Variants in RELN observed in about 807,000 individuals in gnomAD.
RELN encodes the protein reelin.
A neutral mutation model predicts 427.6 loss-of-function variants in RELN; 108 were observed. The observed-to-expected ratio is 0.25, with a 90% CI of 0.22 to 0.30. The LOEUF (loss-of-function observed/expected upper bound fraction) is 0.30, where lower values mean the gene tolerates loss of function less well. RELN is among the 10% of genes least tolerant of loss of function. RELN has a pLI of 1.00. For synonymous variants in RELN, 1,524 were observed against 1,513.4 expected, an observed-to-expected ratio of 1.01 and a Z score of -0.16; for missense variants, 3,715 against 4,302.8, an observed-to-expected ratio of 0.86 and a Z score of 3.82.
chr7:103,946,014 A>G (rs1796212801), intron 1 of RELN, among the ~76,000 whole-genome samples: 1 of 152,182 alleles, frequency 6.6e-6, no homozygotes, highest in Non-Finnish European at 1.5e-5. Flanking sequence ...CTCAGAATAC[A>G]TCCCCATTGT....
chr7:103,722,746 G>C (rs1233414933), intron 8 of RELN, among the ~76,000 whole-genome samples: 2 of 152,084 alleles, frequency 1.3e-5, no homozygotes, highest in Non-Finnish European at 2.9e-5. Context: ...GTTTCTTTCG[G>C]TTACCAGTAA....
At chr7:103,738,437 A>G (rs1382110379) in intron 6 of RELN, among the ~76,000 whole-genome samples, 3 of 151,932 alleles carry the variant, frequency 2.0e-5, no homozygotes, top group Non-Finnish European at 4.4e-5. Flanking sequence ...AAATTTACAC[A>G]CAATGAGATA....
rs1797162038 is a variant in RELN, at chr7:103,989,004, G to A, written c.226+127C>T. The A allele has an allele frequency of 1.2e-6, 1 of 807,980 alleles. No homozygotes were observed. The highest frequency in any genetic ancestry group is 2.1e-6 in the Non-Finnish European group (1 of 478,690). 50.1% of individuals were successfully genotyped at this position (807,980 alleles called of 1,614,324 possible). A position where few individuals can be genotyped will look rare whatever the true frequency, so the allele number is the denominator to read the frequency against. ...TTTATTCTCGCTCCCTGGACCAAGC[G>A]CATCGCTGGGGCCAGGGTTGTCATG... On this transcript the variant is annotated intron_variant, in intron 1 of 64. Coordinates refer to ENST00000428762, the MANE Select transcript of RELN (RefSeq NM_005045.4). This position sits in a 1 kb window ranked among gnomAD's most constrained non-coding sequence, Gnocchi z 4.9.
chr7:103,869,755 T>C (rs190759645), intron 2 of RELN, among the ~76,000 whole-genome samples: 1 of 152,298 alleles, frequency 6.6e-6, no homozygotes, highest in Admixed American at 6.5e-5. Flanking sequence ...TGCATAACAT[T>C]TGCTGAGCTT....
intron 49 of RELN, among the ~76,000 whole-genome samples, chr7:103,518,382 G>C (rs1243312211): frequency 7.2e-6 from 1 of 138,226 alleles, no homozygotes; most frequent in Middle Eastern, 3.9e-3. Context: ...ACCCAGGCTA[G>C]AGCATAGTGC....
At chr7:103,752,986 C>A (rs904567933) in intron 5 of RELN, among the ~76,000 whole-genome samples, 196 bp downstream of exon 5, 1 of 152,120 alleles carries the variant, frequency 6.6e-6, no homozygotes, top group Non-Finnish European at 1.5e-5. Context: ...ATGAGCCCCC[C>A]GCTGGGCAGC....
intron 2 of RELN, among the ~76,000 whole-genome samples, chr7:103,892,191 T>C (rs4729936): frequency 0.4 from 60,713 of 151,998 alleles, 13,017 homozygotes; most frequent in East Asian, 0.76. Context: ...CAGTTGGAAA[T>C]TGATGTCCAA....
At chr7:103,982,853 G>T (rs1049201656) in intron 1 of RELN, among the ~76,000 whole-genome samples, 10 of 152,032 alleles carry the variant, frequency 6.6e-5, no homozygotes, top group Non-Finnish European at 1.5e-4. Flanking sequence ...TTTAAACTGG[G>T]TCTCACTTCG....
chr7:103,745,486 G>T lies in RELN; in HGVS notation c.656+3940C>A, dbSNP rs1386146751. ...AGAGGAAGTCAAATTGTCCCTGTTT[G>T]CAGACGACATGATTGTATATCTATA... On this transcript the variant is annotated intron_variant, in intron 6 of 64. Transcript: ENST00000428762. Among the ~76,000 whole-genome samples, 186 of 145,634 alleles carry T rather than the reference G, an allele frequency of 1.3e-3. 1 individual carries two copies. The highest frequency in any genetic ancestry group is 4.7e-3 in the African/African-American group (172 of 36,548).
intron 1 of RELN, among the ~76,000 whole-genome samples, chr7:103,983,663 T>A (rs1255831005): frequency 6.6e-6 from 1 of 152,162 alleles, no homozygotes; most frequent in African/African-American, 2.4e-5. Flanking sequence ...ACCCCAATGT[T>A]TTTGAAATGA....
chr7:103,497,687 T>G, intron 55 of RELN, 133 bp downstream of exon 55: 1 of 762,364 alleles, frequency 1.3e-6, no homozygotes, highest in Non-Finnish European at 2.3e-6. Flanking sequence ...ACAAACAAAA[T>G]CTGTAGCTTT....
intron 2 of RELN, among the ~76,000 whole-genome samples, chr7:103,849,252 TATTG>T (rs2116457897): frequency 6.6e-6 from 1 of 152,342 alleles, no homozygotes; most frequent in South Asian, 2.1e-4. Context: ...AAGGAGTCAT[TATTG>T]ATTACTTTCC....
intron 8 of RELN, among the ~76,000 whole-genome samples, chr7:103,712,841 A>G (rs942283747): frequency 6.6e-6 from 1 of 151,924 alleles, no homozygotes; most frequent in Non-Finnish European, 1.5e-5. Context: ...GGATCAATCA[A>G]TTGGTGTTTA....
At chr7:103,585,114 T>C (rs1006245402) in intron 28 of RELN, among the ~76,000 whole-genome samples, 2 of 152,020 alleles carry the variant, frequency 1.3e-5, no homozygotes, top group African/African-American at 2.4e-5. Flanking sequence ...GATAGAAAGA[T>C]TGTAAATTAA....
At chr7:103,872,277 T>C (rs1358206983) in intron 2 of RELN, among the ~76,000 whole-genome samples, 2 of 127,778 alleles carry the variant, frequency 1.6e-5, no homozygotes, top group African/African-American at 2.8e-5. Context: ...TGTGATCTCA[T>C]TGTTCAATTC....
chr7:103,608,080 A>G (rs1375554235), intron 22 of RELN, among the ~76,000 whole-genome samples: 1 of 152,230 alleles, frequency 6.6e-6, no homozygotes, highest in Non-Finnish European at 1.5e-5. Flanking sequence ...TTATAATTGC[A>G]TATGTTTAAA....
intron 8 of RELN, among the ~76,000 whole-genome samples, chr7:103,709,492 C>T (rs975069479): frequency 5.9e-5 from 9 of 152,300 alleles, no homozygotes; most frequent in Non-Finnish European, 1.2e-4. Flanking sequence ...ACTCATGGTT[C>T]ATTGTTGTTA....
At chr7:103,639,056 T>A (rs1339888456) in intron 17 of RELN, among the ~76,000 whole-genome samples, 1 of 152,234 alleles carries the variant, frequency 6.6e-6, no homozygotes, top group Non-Finnish European at 1.5e-5. Context: ...GGCCTCATGT[T>A]AATTTTATTT....
chr7:103,616,385 T>C (rs543653658), intron 20 of RELN, among the ~76,000 whole-genome samples: 1 of 152,314 alleles, frequency 6.6e-6, no homozygotes, highest in South Asian at 2.1e-4. Context: ...AAGAAACGTT[T>C]ACTAGATTAG....
Sources: allele counts gnomAD v4.1 joint callset (sites outside exome capture counted in the v4.1 genomes callset), GRCh38; gene constraint gnomAD v4.1.1; non-coding constraint Gnocchi (gnomAD v3.1); transcripts MANE v1.5; gene names NCBI Gene and HGNC (gene_info 2026-07-23, HGNC 2026-07-21).